LINGO2: variants seen among roughly 807,000 people sequenced by gnomAD.
LINGO2 encodes the protein leucine rich repeat and Ig domain containing 2.
LINGO2 carries 14 observed loss-of-function variants against 30.6 expected under a neutral mutation model. The ratio of observed to expected loss-of-function variants is 0.46; its 90% CI spans 0.30 to 0.72. LINGO2 has a LOEUF of 0.72. Among genes scored for constraint, LINGO2 ranks in the 30% least tolerant of loss-of-function variants. The pLI is 0.07. For missense variants in LINGO2, 729 were observed against 751.7 expected, an observed-to-expected ratio of 0.97 and a Z score of 0.35; for synonymous variants, 317 against 288.5, an observed-to-expected ratio of 1.10 and a Z score of -1.00.
chr9:29,186,864 G>C, the LINGO2 span, among the ~76,000 whole-genome samples: 2 of 152,086 alleles, frequency 1.3e-5, no homozygotes, highest in Non-Finnish European at 2.9e-5. Flanking sequence ...AAGACACACA[G>C]CATAGCACTT....
chr9:28,389,706 G>A lies in LINGO2; in HGVS notation c.-278-16838C>T, dbSNP rs145221763. Among the ~76,000 whole-genome samples, 897 of 152,116 alleles carry A rather than the reference G, an allele frequency of 5.9e-3. 2 individuals carry two copies. Among genetic ancestry groups the A allele is most frequent in the Non-Finnish European group, 1.0e-2 (680 of 68,002 alleles). On this transcript the variant is annotated intron_variant, in intron 2 of 5. Coordinates refer to ENST00000379992, the Ensembl canonical transcript of LINGO2. ...AACTTCCCACACGAAACAAACAAAC[G>A]AAAACCTCACCTTTCATAAATGCAT...
At chr9:28,743,481 G>A in the LINGO2 span, among the ~76,000 whole-genome samples, 1 of 151,920 alleles carries the variant, frequency 6.6e-6, no homozygotes, top group African/African-American at 2.4e-5. Context: ...ATGGTTTCCA[G>A]CTTCATCCAT....
chr9:28,549,374 G>GT (rs1822148769), intron 1 of LINGO2, among the ~76,000 whole-genome samples: 1 of 152,038 alleles, frequency 6.6e-6, no homozygotes, highest in Non-Finnish European at 1.5e-5. Flanking sequence ...TATTGAGGTT[G>GT]TTTATTTCCT....
the LINGO2 span, among the ~76,000 whole-genome samples, chr9:28,952,701 A>G: frequency 6.6e-6 from 1 of 152,166 alleles, no homozygotes; most frequent in Non-Finnish European, 1.5e-5. Context: ...ACAGAGAAGT[A>G]GCCACGTTAG....
chr9:28,699,833 C>T, the LINGO2 span, among the ~76,000 whole-genome samples: 14 of 151,944 alleles, frequency 9.2e-5, no homozygotes, highest in East Asian at 2.7e-3. Flanking sequence ...GCCCTGGTCT[C>T]CTGCAGTACC....
chr9:28,239,746 C>T (rs981340768), intron 4 of LINGO2, among the ~76,000 whole-genome samples: 10 of 152,078 alleles, frequency 6.6e-5, no homozygotes, highest in African/African-American at 2.4e-4. Context: ...CTCACTTTCA[C>T]CATTGTTATT....
At chr9:28,161,826 C>T (rs1364070022) in intron 4 of LINGO2, among the ~76,000 whole-genome samples, 8 of 151,792 alleles carry the variant, frequency 5.3e-5, no homozygotes, top group Non-Finnish European at 8.8e-5. Context: ...TCTCGGTAGA[C>T]GCTAACTCAC....
chr9:28,955,144 A>T, the LINGO2 span, among the ~76,000 whole-genome samples: 1 of 151,718 alleles, frequency 6.6e-6, no homozygotes, highest in Admixed American at 6.6e-5. Flanking sequence ...AAGGAGGGAG[A>T]CAAAAAGAGA....
At chr9:28,499,834 T>C (rs1458670085) in intron 1 of LINGO2, among the ~76,000 whole-genome samples, 1 of 152,174 alleles carries the variant, frequency 6.6e-6, no homozygotes, top group East Asian at 1.9e-4. Flanking sequence ...AGGAAGCCTT[T>C]CTAGACTAAT....
At chr9:29,029,835 T>C in the LINGO2 span, among the ~76,000 whole-genome samples, 1 of 151,020 alleles carries the variant, frequency 6.6e-6, no homozygotes, top group African/African-American at 2.4e-5. Flanking sequence ...ATTTAGAAGA[T>C]ATAAATCATA....
chr9:28,368,331 C>T (rs1051059449), intron 3 of LINGO2, among the ~76,000 whole-genome samples: 2 of 152,114 alleles, frequency 1.3e-5, no homozygotes, highest in African/African-American at 4.8e-5. Context: ...CTTAGTGCAG[C>T]CCACAATAAA....
At chr9:29,010,824 G>A in the LINGO2 span, among the ~76,000 whole-genome samples, 1 of 152,056 alleles carries the variant, frequency 6.6e-6, no homozygotes, top group African/African-American at 2.4e-5. Context: ...GGAGGTTGCA[G>A]TGAGCCAAGA....
At chr9:28,575,396 C>CAA (rs3065643) in intron 1 of LINGO2, among the ~76,000 whole-genome samples, 3,814 of 140,956 alleles carry the variant, frequency 0.027, 164 homozygotes, top group African/African-American at 0.09. Flanking sequence ...GACTCCGTCT[C>CAA]AAAAAAAAAA....
At chr9:28,838,809 T>G in the LINGO2 span, among the ~76,000 whole-genome samples, 1 of 152,280 alleles carries the variant, frequency 6.6e-6, no homozygotes, top group South Asian at 2.1e-4. Flanking sequence ...CTTGGCTATG[T>G]TACCAGCCCA....
At chr9:28,307,192 G>C (rs938155481) in intron 3 of LINGO2, among the ~76,000 whole-genome samples, 2 of 151,968 alleles carry the variant, frequency 1.3e-5, no homozygotes, top group African/African-American at 2.4e-5. Flanking sequence ...AAAATACTGG[G>C]AAACCGAATC....
intron 2 of LINGO2, 40 bp downstream of exon 4, chr9:28,475,900 C>T (rs1825710210): frequency 6.6e-6 from 1 of 152,514 alleles, no homozygotes; most frequent in Admixed American, 6.5e-5. Context: ...GACACAGAAT[C>T]GAAAGATATC....
the LINGO2 span, among the ~76,000 whole-genome samples, chr9:28,762,489 A>G: frequency 6.6e-6 from 1 of 152,060 alleles, no homozygotes; most frequent in Non-Finnish European, 1.5e-5. Context: ...AAAGGTGATA[A>G]TAGTCCCTCC....
intron 2 of LINGO2, among the ~76,000 whole-genome samples, chr9:28,425,561 T>A (rs1358407258): frequency 6.6e-6 from 1 of 152,060 alleles, no homozygotes; most frequent in East Asian, 1.9e-4. Context: ...TTTATCATGG[T>A]CTGGAACATT....
At chr9:28,757,158 G>T in the LINGO2 span, among the ~76,000 whole-genome samples, 1 of 151,970 alleles carries the variant, frequency 6.6e-6, no homozygotes, top group African/African-American at 2.4e-5. Flanking sequence ...GGCATCTCCA[G>T]CTATCAAAGA....
Sources: allele counts gnomAD v4.1 joint callset (sites outside exome capture counted in the v4.1 genomes callset), GRCh38; gene constraint gnomAD v4.1.1; transcripts MANE v1.5; gene names NCBI Gene and HGNC (gene_info 2026-07-23, HGNC 2026-07-21).